RAPGEF5: variants seen among roughly 807,000 people sequenced by gnomAD.
RAPGEF5 encodes M-Ras-regulated GEF.
Under a neutral mutation model 125.2 loss-of-function variants are expected in RAPGEF5, and 65 were observed. The observed-to-expected ratio is 0.52, with a 90% CI of 0.43 to 0.64. The LOEUF is 0.64. RAPGEF5 is among the 30% of genes least tolerant of loss of function. RAPGEF5 has a pLI of 0.00. For missense variants in RAPGEF5, 958 were observed against 1,048.1 expected (o/e 0.91, Z 1.19); for synonymous variants, 391 against 385.9 (o/e 1.01, Z -0.16).
intron 8 of RAPGEF5, among the ~76,000 whole-genome samples, chr7:22,223,027 T>C (rs779773546): frequency 1.3e-5 from 2 of 151,946 alleles, no homozygotes; most frequent in Non-Finnish European, 2.9e-5. Flanking sequence ...GACATCCAAG[T>C]GGAGTTGCTG....
In RAPGEF5 at chr7:22,150,512, T is replaced by TG; in HGVS notation, c.1787-9dup. 1 of 1,324,574 alleles carries TG rather than the reference T, an allele frequency of 7.5e-7. No homozygotes were observed. Among genetic ancestry groups the TG allele is most frequent in the Middle Eastern group, 2.0e-4 (1 of 5,086 alleles). 82.1% of individuals were successfully genotyped at this position (1,324,574 alleles called of 1,614,324 possible). On this transcript the variant is annotated splice_polypyrimidine_tract_variant and intron_variant, in intron 17 of 25. Transcript: ENST00000665637. ...GCTGAAGTTCATGCTTTTCTTTATT[T>TG]GAAAAAAAAAAAAAAAAAAGGAATA...
At chr7:22,215,877 T>C (rs1785625739) in intron 9 of RAPGEF5, among the ~76,000 whole-genome samples, 2 of 152,180 alleles carry the variant, frequency 1.3e-5, no homozygotes, top group Admixed American at 1.3e-4. Flanking sequence ...GTCAGTGAGA[T>C]AAATACTAAC....
chr7:22,131,238 T>G lies in RAPGEF5; in HGVS notation c.2417-137A>C, dbSNP rs924212617. The G allele has an allele frequency of 3.5e-6, 4 of 1,149,774 alleles. No individual in the cohort carries two copies. In the South Asian group the frequency reaches 5.9e-5, roughly 17 times the overall value. The allele number at this position is 1,149,774 out of a possible 1,614,324, so 71.2% of individuals were successfully genotyped here. ...CATTCCATGCACTTGGAGAGGCAAT[T>G]TGAAATTGGATTTATGTGTTATTTG... On this transcript the variant is annotated intron_variant, in intron 23 of 25. Transcript: ENST00000665637.
intron 11 of RAPGEF5, among the ~76,000 whole-genome samples, chr7:22,188,643 G>A (rs747137468): frequency 3.2e-4 from 49 of 151,790 alleles, no homozygotes; most frequent in Non-Finnish European, 5.4e-4. Context: ...GTGCGCATCC[G>A]TAGTCCCAGC....
chr7:22,275,356 T>C (rs568421608), intron 6 of RAPGEF5, among the ~76,000 whole-genome samples: 2 of 152,230 alleles, frequency 1.3e-5, no homozygotes, highest in Non-Finnish European at 2.9e-5. Flanking sequence ...GCACCATTCC[T>C]GGTACATACG....
intron 11 of RAPGEF5, among the ~76,000 whole-genome samples, chr7:22,178,409 C>G (rs1196923083): frequency 1.3e-5 from 2 of 152,200 alleles, no homozygotes; most frequent in African/African-American, 4.8e-5. Context: ...CTCAATCCCA[C>G]AAGACTGCAT....
At chr7:22,194,071 A>C in intron 9 of RAPGEF5, 38 bp from the exon 10 acceptor site, 2 of 1,541,250 alleles carry the variant, frequency 1.3e-6, no homozygotes, top group Non-Finnish European at 1.8e-6. Context: ...GAGAGAAGGA[A>C]AAAGAGAGAG....
chr7:22,142,458 C>T (rs928666206), intron 20 of RAPGEF5, among the ~76,000 whole-genome samples: 1 of 152,054 alleles, frequency 6.6e-6, no homozygotes, highest in African/African-American at 2.4e-5. Context: ...TATCTTTTAG[C>T]TCCTCATGAA....
intron 5 of RAPGEF5, among the ~76,000 whole-genome samples, chr7:22,301,340 G>T (rs1229270051): frequency 1.3e-5 from 2 of 152,190 alleles, no homozygotes; most frequent in Admixed American, 6.5e-5. Flanking sequence ...GTAGGGCCAG[G>T]CGTGGTGGCT....
chr7:22,283,459 C>G (rs1323128009), intron 6 of RAPGEF5, among the ~76,000 whole-genome samples: 5 of 152,064 alleles, frequency 3.3e-5, no homozygotes, highest in South Asian at 2.1e-4. Context: ...ATGGGCACAC[C>G]ATACAAAGCT....
At chr7:22,217,244 G>A (rs1244943509) in intron 9 of RAPGEF5, among the ~76,000 whole-genome samples, 1 of 152,174 alleles carries the variant, frequency 6.6e-6, no homozygotes. Context: ...GGTCATTATT[G>A]TTATAACAAG....
chr7:22,257,874 A>C (rs1782042099), intron 7 of RAPGEF5, among the ~76,000 whole-genome samples: 1 of 152,196 alleles, frequency 6.6e-6, no homozygotes, highest in South Asian at 2.1e-4. Context: ...CATTATATTT[A>C]ATTAAAGTCA....
chr7:22,254,226 A>AGAG (rs1786694693), intron 7 of RAPGEF5, among the ~76,000 whole-genome samples: 1 of 151,984 alleles, frequency 6.6e-6, no homozygotes, highest in Admixed American at 6.6e-5. Context: ...TAAAACCTCT[A>AGAG]AGTTTTCCAA....
Position 22,326,611 on chromosome 7 carries a change from A to G in RAPGEF5, c.232-8574T>C, listed in dbSNP as rs1016301237. Among the ~76,000 whole-genome samples the G allele has an allele frequency of 1.7e-4, 26 of 152,214 alleles. 1 individual carries two copies. The highest frequency in any genetic ancestry group is 4.4e-5 in the Non-Finnish European group (3 of 68,030). On this transcript the variant is annotated intron_variant, in intron 1 of 25. Transcript: ENST00000665637. ...TAAGAACTCTTAATTTTGAATCAAAATTATCTCCCATTGCAATTTAAGACT... is the reference window on the plus strand; with the variant it reads ...TAAGAACTCTTAATTTTGAATCAAAGTTATCTCCCATTGCAATTTAAGACT...
intron 6 of RAPGEF5, among the ~76,000 whole-genome samples, chr7:22,287,591 CAA>C (rs1782826569): frequency 6.6e-6 from 1 of 152,172 alleles, no homozygotes; most frequent in South Asian, 2.1e-4. Context: ...CACAGACTCT[CAA>C]AGAGTACACT....
At chr7:22,196,847 C>A (rs1323917080) in intron 9 of RAPGEF5, among the ~76,000 whole-genome samples, 1 of 152,104 alleles carries the variant, frequency 6.6e-6, no homozygotes, top group Non-Finnish European at 1.5e-5. Flanking sequence ...AAGAACTAGG[C>A]CTCTGGACAA....
At chr7:22,310,817 C>T (rs150347231) in intron 3 of RAPGEF5, among the ~76,000 whole-genome samples, 16 of 152,240 alleles carry the variant, frequency 1.1e-4, no homozygotes, top group Middle Eastern at 3.4e-3. Flanking sequence ...CCACTAACCA[C>T]GCATGAAAAA....
At chr7:22,255,442 A>T (rs1786736013) in intron 7 of RAPGEF5, among the ~76,000 whole-genome samples, 1 of 151,928 alleles carries the variant, frequency 6.6e-6, no homozygotes, top group Admixed American at 6.6e-5. Context: ...AAAAATTAAA[A>T]ATTATCTGGG....
At chr7:22,259,083 G>A (rs1344525137) in intron 7 of RAPGEF5, among the ~76,000 whole-genome samples, 2 of 152,102 alleles carry the variant, frequency 1.3e-5, no homozygotes, top group Admixed American at 6.5e-5. Flanking sequence ...GCAAGCTATG[G>A]AGAGAAAATA....
Sources: allele counts gnomAD v4.1 joint callset (sites outside exome capture counted in the v4.1 genomes callset), GRCh38; gene constraint gnomAD v4.1.1; transcripts MANE v1.5; gene names NCBI Gene and HGNC (gene_info 2026-07-23, HGNC 2026-07-21).